The following LDHA variants were observed in gnomAD, a reference collection of about 807,000 sequenced individuals.
LDHA encodes lactate dehydrogenase A, also known as L-lactate dehydrogenase A chain.
LDHA carries 10 observed loss-of-function variants against 36.3 expected under a neutral mutation model. The ratio of observed to expected loss-of-function variants is 0.28; its 90% confidence interval spans 0.17 to 0.47. LDHA has a LOEUF of 0.47. Among genes scored for constraint, LDHA ranks in the 20% least tolerant of loss-of-function variants. The pLI is 0.99. For synonymous variants in LDHA, 110 were observed against 136.7 expected (o/e 0.80, Z 1.36); for missense variants, 267 against 405.8 (o/e 0.66, Z 2.94).
In LDHA at chr11:18,407,836, C is replaced by G; in HGVS notation, c.*555C>G. The G allele has an allele frequency of 2.2e-6, 1 of 454,448 alleles. No individual in the cohort carries two copies. The highest frequency in any genetic ancestry group is 4.4e-6 in the Non-Finnish European group (1 of 227,088). The allele number at this position is 454,448 out of a possible 1,614,324, so 28.2% of individuals were successfully genotyped here. ...ATACCAACTAAAACCCCCAATAAAC[C>G]TTGAACAGTGACTACTTTGGTTAAT... On this transcript the variant is annotated 3_prime_UTR_variant, in exon 8 of 8. Transcript: ENST00000422447.
intron 1 of LDHA, among the ~76,000 whole-genome samples, chr11:18,395,744 G>C (rs1866270343): frequency 6.6e-6 from 1 of 152,220 alleles, no homozygotes; most frequent in Non-Finnish European, 1.5e-5. Context: ...TGCAGGGTTG[G>C]ATTAACAAGG....
At chr11:18,399,355 A>G (rs1164680896) in intron 2 of LDHA, 76 bp from the exon 3 acceptor site, 1 of 1,024,718 alleles carries the variant, frequency 9.8e-7, no homozygotes, top group Non-Finnish European at 1.5e-6. Flanking sequence ...TGCCAGAAAT[A>G]TAGAAATTTT....
intron 1 of LDHA, chr11:18,395,186 GA>G: frequency 6.1e-6 from 1 of 163,916 alleles, no homozygotes; most frequent in South Asian, 1.4e-4. Context: ...CATTTATTAA[GA>G]AGCTACTGGT....
chr11:18,396,392 C>G, intron 1 of LDHA: 1 of 405,254 alleles, frequency 2.5e-6, no homozygotes, highest in Non-Finnish European at 4.3e-6. Flanking sequence ...GCTCCTGTGC[C>G]TTGGGCTTGA....
intron 4 of LDHA, among the ~76,000 whole-genome samples, chr11:18,402,101 A>G (rs894695982): frequency 1.3e-5 from 2 of 151,194 alleles, no homozygotes; most frequent in African/African-American, 4.9e-5. Flanking sequence ...GATTACAGGC[A>G]CGTGCCACCA....
intron 2 of LDHA, among the ~76,000 whole-genome samples, chr11:18,398,212 C>T (rs1866362507): frequency 6.6e-6 from 1 of 152,108 alleles, no homozygotes; most frequent in African/African-American, 2.4e-5. Flanking sequence ...TATTGGTGCT[C>T]CTGGCCTGAA....
At chr11:18,403,958 T>C (rs1377740340) in intron 6 of LDHA, 147 bp downstream of exon 6, 1 of 658,510 alleles carries the variant, frequency 1.5e-6, no homozygotes, top group African/African-American at 1.8e-5. Context: ...TGAGACAGAA[T>C]CTTGCCCTTT....
In LDHA at chr11:18,408,392, G is replaced by C. The variant is rs1027225344; in HGVS notation, c.*1111G>C. 1 of 352,198 alleles carries C rather than the reference G, an allele frequency of 2.8e-6. No individual in the cohort carries two copies. The highest frequency in any genetic ancestry group is 2.1e-5 in the African/African-American group (1 of 46,630). The allele number at this position is 352,198 out of a possible 1,614,324, so 21.8% of individuals were successfully genotyped here. ...TGGTGGATGTCTACTCAAGTTTTCT[G>C]CACATTTTTCTGAAAATACAACTGT... On this transcript the variant is annotated 3_prime_UTR_variant, in exon 8 of 8. Transcript: ENST00000422447.
intron 6 of LDHA, 78 bp from the exon 7 acceptor site, chr11:18,405,371 T>G: frequency 7.1e-7 from 1 of 1,407,078 alleles, no homozygotes; most frequent in African/African-American, 1.4e-5. Flanking sequence ...GTAAAATGTG[T>G]ATTAATGAAA....
At chr11:18,397,808 CAA>C (rs897976532) in intron 2 of LDHA, among the ~76,000 whole-genome samples, 1 of 143,828 alleles carries the variant, frequency 7.0e-6, no homozygotes, top group African/African-American at 2.6e-5. Context: ...GACTCCATCT[CAA>C]AAAAAAAAAT....
chr11:18,404,662 G>A (rs1590216145), intron 6 of LDHA, among the ~76,000 whole-genome samples: 1 of 151,844 alleles, frequency 6.6e-6, no homozygotes, highest in East Asian at 1.9e-4. Context: ...CAAAAAATTA[G>A]CCGGGCGTGG....
intron 4 of LDHA, chr11:18,402,498 A>G (rs539880956): frequency 4.7e-5 from 14 of 299,622 alleles, no homozygotes; most frequent in African/African-American, 2.8e-4. Context: ...GGGTTTTGCT[A>G]TGTTGCCCAG....
At chr11:18,405,948 G>A in intron 7 of LDHA, 1 of 238,412 alleles carries the variant, frequency 4.2e-6, no homozygotes. Context: ...CTGAACACCT[G>A]GAAAGGAATT....
intron 4 of LDHA, chr11:18,402,467 A>T (rs1479228365): frequency 4.8e-6 from 1 of 206,200 alleles, no homozygotes; most frequent in Non-Finnish European, 9.4e-6. Flanking sequence ...CTAGTTTGTT[A>T]AAAGTTTTTT....
rs148761066 is a variant in LDHA, at chr11:18,396,968, G to A, written c.126G>A (p.Lys42=). Residue 42 remains lysine (K), a splice_region_variant and synonymous_variant, in exon 2 of 8, where the codon AAG becomes AAA. Coordinates refer to ENST00000422447, the MANE Select transcript of LDHA (RefSeq NM_005566.4). ...CCTGTGCCATCAGTATCTTAATGAA[G>A]GTAAGTGAGAGTCTACCACACTGGA... ...GMACAISILM[K]DLADELALVD... is the part of the protein sequence containing the mutation. 1.8e-5 allele frequency: 29 copies of A among 1,613,888 alleles called. No homozygotes were observed. The African/African-American group carries it at 2.1e-4, about 12-fold the overall frequency.
At chr11:18,407,044 G>T (rs2134035864) in intron 7 of LDHA, 73 bp from the exon 8 acceptor site, 6 of 1,143,460 alleles carry the variant, frequency 5.2e-6, no homozygotes, top group Non-Finnish European at 7.6e-6. Flanking sequence ...TAATTATAGA[G>T]ACTGTAAGTC....
chr11:18,406,414 T>TGAAAA (rs1554961755), intron 7 of LDHA, among the ~76,000 whole-genome samples: 1 of 97,176 alleles, frequency 1.0e-5, no homozygotes, highest in Non-Finnish European at 2.0e-5. Context: ...TTGCCTCTGT[T>TGAAAA]AAAAAAAAAA....
chr11:18,404,141 A>G (rs977585373), intron 6 of LDHA, among the ~76,000 whole-genome samples: 3 of 20,272 alleles, frequency 1.5e-4, no homozygotes, highest in Admixed American at 1.4e-3. Context: ...CATGTTAGCC[A>G]AAAAAAAAAG....
chr11:18,404,122 G>A (rs1433563648), intron 6 of LDHA, among the ~76,000 whole-genome samples: 2 of 133,684 alleles, frequency 1.5e-5, no homozygotes, highest in African/African-American at 2.6e-5. Context: ...AGTAGAGATG[G>A]GGTTTCACCA....
Sources: allele counts gnomAD v4.1 joint callset (sites outside exome capture counted in the v4.1 genomes callset), GRCh38; gene constraint gnomAD v4.1.1; transcripts MANE v1.5; gene names NCBI Gene and HGNC (gene_info 2026-07-23, HGNC 2026-07-21).